AGTPBP1: variants seen among roughly 807,000 people sequenced by gnomAD.
AGTPBP1 encodes the protein cytosolic carboxypeptidase 1.
AGTPBP1 carries 70 observed loss-of-function variants against 143.9 expected under a neutral mutation model. The ratio of observed to expected loss-of-function variants is 0.49; its 90% CI spans 0.40 to 0.59. The LOEUF (loss-of-function observed/expected upper bound fraction) is 0.59, where lower values mean the gene tolerates loss of function less well. Ranked by LOEUF, AGTPBP1 falls within the 20% of genes least tolerant of loss-of-function variation. The pLI is 0.00. For missense variants in AGTPBP1, 1,229 were observed against 1,464.5 expected, an observed-to-expected ratio of 0.84 and a Z score of 2.62; for synonymous variants, 463 against 500.2, an observed-to-expected ratio of 0.93 and a Z score of 0.99.
chr9:85,741,648 A>T, intron 1 of AGTPBP1, 127 bp downstream of exon 1: 2 of 1,244,882 alleles, frequency 1.6e-6, no homozygotes, highest in Non-Finnish European at 2.0e-6. Flanking sequence ...ACAACCCGTC[A>T]GGTAAGGGGC....
At chr9:85,729,614 T>A (rs1479149573) in intron 1 of AGTPBP1, among the ~76,000 whole-genome samples, 9 of 151,994 alleles carry the variant, frequency 5.9e-5, no homozygotes, top group Non-Finnish European at 1.2e-4. Flanking sequence ...CAGCCATACA[T>A]CTAGATATAT....
At chr9:85,773,062 G>A in the AGTPBP1 span, among the ~76,000 whole-genome samples, 18 of 151,756 alleles carry the variant, frequency 1.2e-4, no homozygotes, top group African/African-American at 4.1e-4. Context: ...TCAGGAGATC[G>A]AGACCATCCT....
chr9:85,608,684 T>C (rs1025709688), intron 17 of AGTPBP1, among the ~76,000 whole-genome samples: 1 of 152,012 alleles, frequency 6.6e-6, no homozygotes, highest in African/African-American at 2.4e-5. Context: ...ATGATATAAG[T>C]AATATATCTT....
At chr9:85,696,374 A>T (rs781214592) in intron 2 of AGTPBP1, among the ~76,000 whole-genome samples, 9 of 151,876 alleles carry the variant, frequency 5.9e-5, no homozygotes, top group Non-Finnish European at 1.2e-4. Context: ...TGTGTAAAAA[A>T]TGTGTCAACC....
Position 85,606,682 on chromosome 9 carries a change from T to C in AGTPBP1, c.2336-10233A>G, listed in dbSNP as rs563398849. Among the ~76,000 whole-genome samples the C allele has an allele frequency of 3.3e-5, 5 of 152,008 alleles. No homozygotes were observed. In the East Asian group the frequency reaches 5.8e-4, roughly 18 times the overall value. ...GCATCCATCAATGGATGAATGAATA[T>C]AGAAAATGATATATATACACAATGA... On this transcript the variant is annotated intron_variant, in intron 17 of 25. Transcript: ENST00000357081.
Position 85,655,235 on chromosome 9 carries a change from G to A in AGTPBP1, c.995C>T (p.Pro332Leu). ...AAAAGAACTTTTAATTGTTGGGAGT[G>A]GCAGTCGATTTTTTGGGAAACACTT... is the stretch of plus-strand genomic sequence containing the variant. ...MRKCFPKNRLPLPTIKSSFHF... is the reference protein window; with the variant it reads ...MRKCFPKNRLLLPTIKSSFHF... The change falls in exon 11 of 26, where the codon CCA (proline) becomes CTA (leucine). Residue 332 changes from proline (P) to leucine (L), a missense_variant. By Grantham distance (98) the Pro-to-Leu change is moderately conservative. Transcript: ENST00000357081. 1 of 1,603,648 alleles carries A rather than the reference G, an allele frequency of 6.2e-7. No individual in the cohort carries two copies. Among genetic ancestry groups the A allele is most frequent in the African/African-American group, 1.3e-5 (1 of 74,720 alleles).
chr9:85,625,022 T>G (rs138026997), intron 14 of AGTPBP1, among the ~76,000 whole-genome samples: 2 of 152,238 alleles, frequency 1.3e-5, no homozygotes. Context: ...ATAATTTAAC[T>G]AGTCCTTGAC....
At chr9:85,756,251 G>T in the AGTPBP1 span, 5 of 1,593,792 alleles carry the variant, frequency 3.1e-6, no homozygotes, top group Non-Finnish European at 4.3e-6. Flanking sequence ...ATCTAGTCAG[G>T]TATTCTGTTT....
intron 25 of AGTPBP1, among the ~76,000 whole-genome samples, chr9:85,562,768 C>T (rs1308080325): frequency 6.6e-6 from 1 of 152,104 alleles, no homozygotes; most frequent in African/African-American, 2.4e-5. Flanking sequence ...TGATGGTTCA[C>T]AGTATTGTAA....
Position 85,669,597 on chromosome 9 carries a change from G to C in AGTPBP1, c.569-19C>G. 1.3e-6 allele frequency: 2 copies of C among 1,560,712 alleles called. No homozygotes were observed. Among genetic ancestry groups the C allele is most frequent in the Non-Finnish European group, 1.8e-6 (2 of 1,133,770 alleles). Reference sequence around the variant, plus strand: ...TTCACAGCTGAGAGGGGGAGAAAGAGATGCAAAATTATTTTAAGGTTTGAC... The same window carrying C: ...TTCACAGCTGAGAGGGGGAGAAAGACATGCAAAATTATTTTAAGGTTTGAC... On this transcript the variant is annotated intron_variant, in intron 7 of 25. Transcript: ENST00000357081.
chr9:85,651,593 C>T (rs1044657849), intron 11 of AGTPBP1, among the ~76,000 whole-genome samples: 47 of 152,284 alleles, frequency 3.1e-4, no homozygotes, highest in African/African-American at 1.1e-3. Flanking sequence ...CTTGACATCT[C>T]TAATTCATCA....
rs373590038 is a variant in AGTPBP1, at chr9:85,569,240, T to C, written c.3503+6075A>G. Among the ~76,000 whole-genome samples, 314 of 152,102 alleles carry C rather than the reference T, an allele frequency of 2.1e-3. 1 individual carries two copies. The highest frequency in any genetic ancestry group is 6.3e-3 in the African/African-American group (263 of 41,486). On this transcript the variant is annotated intron_variant, in intron 25 of 25. Transcript: ENST00000357081. ...ATGCAGAGCACAACTAAAGGACAAATATCAACAGCTAAGAGAAGGAGGTAA... is the reference window on the plus strand; with the variant it reads ...ATGCAGAGCACAACTAAAGGACAAACATCAACAGCTAAGAGAAGGAGGTAA...
chr9:85,646,193 CA>C, intron 12 of AGTPBP1, 127 bp downstream of exon 12: 1 of 640,344 alleles, frequency 1.6e-6, no homozygotes. Flanking sequence ...ATTGCATAGT[CA>C]TTCATGGTAA....
chr9:85,675,230 T>G (rs1050521779), intron 6 of AGTPBP1, among the ~76,000 whole-genome samples: 7 of 152,130 alleles, frequency 4.6e-5, no homozygotes, highest in African/African-American at 1.7e-4. Context: ...TTCTAATAAT[T>G]TAAGGAATTA....
At chr9:85,611,332 G>A (rs554072137) in intron 17 of AGTPBP1, among the ~76,000 whole-genome samples, 1 of 150,788 alleles carries the variant, frequency 6.6e-6, no homozygotes, top group African/African-American at 2.4e-5. Context: ...AAAGACAAAT[G>A]ATCAAACAAC....
At position 85,633,075 on chromosome 9, in the gene AGTPBP1, C is replaced by T. The variant is rs929273834; in HGVS notation, c.1602G>A (p.Leu534=). 4 of 1,614,022 alleles carry T rather than the reference C, an allele frequency of 2.5e-6. No homozygotes were observed. In the African/African-American group the frequency reaches 5.3e-5, roughly 22 times the overall value. ...HGLNNDIVKA[L]DRITLQNIPS... ...GAATATTCTGCAATGTAATTCGGTC[C>T]AAGGCCTTTACAATATCATTGTTTA... is the stretch of plus-strand genomic sequence containing the variant. Residue 534 remains leucine, a synonymous_variant, in exon 14 of 26, where the codon TTG becomes TTA. Coordinates refer to ENST00000357081, the MANE Select transcript of AGTPBP1 (RefSeq NM_001330701.2).
the AGTPBP1 span, chr9:85,770,584 G>A: frequency 1.5e-6 from 1 of 665,728 alleles, no homozygotes; most frequent in Non-Finnish European, 2.5e-6. Flanking sequence ...AAATTGAAAG[G>A]CTTAAAGATT....
chr9:85,759,225 T>A, the AGTPBP1 span, among the ~76,000 whole-genome samples: 1 of 152,062 alleles, frequency 6.6e-6, no homozygotes, highest in African/African-American at 2.4e-5. Context: ...GACAGAAATT[T>A]AACAAGGATA....
At chr9:85,680,894 C>T (rs535505021) in intron 4 of AGTPBP1, among the ~76,000 whole-genome samples, 4 of 152,162 alleles carry the variant, frequency 2.6e-5, no homozygotes, top group Non-Finnish European at 2.9e-5. Context: ...AAACAATAAA[C>T]GATAATTTTC....
Sources: gnomAD v4.1 joint callset for allele counts (sites outside exome capture counted in the v4.1 genomes callset) on GRCh38, gnomAD v4.1.1 for gene constraint, MANE v1.5 for transcripts, NCBI Gene and HGNC (gene_info 2026-07-23, HGNC 2026-07-21) for gene names.